Variants in FIGN observed in about 807,000 individuals in gnomAD.
The protein encoded by FIGN is fidgetin.
FIGN carries 11 observed loss-of-function variants against 51.3 expected under a neutral mutation model. That is an observed-to-expected ratio of 0.21 (90% CI 0.13 to 0.35). The LOEUF is 0.35. FIGN is among the 10% of genes least tolerant of loss of function. The probability of loss-of-function intolerance (pLI) is 1.00; values close to 1 mark genes in which losing one functional copy is unlikely to be tolerated. For missense variants in FIGN, 857 were observed against 943.6 expected (o/e 0.91, Z 1.20); for synonymous variants, 407 against 363.2 (o/e 1.12, Z -1.37).
chr2:163,618,747 T>C (rs1231351768), intron 2 of FIGN, among the ~76,000 whole-genome samples: 1 of 152,114 alleles, frequency 6.6e-6, no homozygotes, highest in African/African-American at 2.4e-5. Flanking sequence ...TTCCACTTTG[T>C]CATGGTGCTC....
At chr2:163,699,312 C>G (rs1010010901) in intron 2 of FIGN, among the ~76,000 whole-genome samples, 4 of 152,010 alleles carry the variant, frequency 2.6e-5, no homozygotes, top group African/African-American at 9.7e-5. Flanking sequence ...TGGTAGCTTT[C>G]AAAAAGCACA....
chr2:163,724,932 AG>A (rs1410687107), intron 2 of FIGN, among the ~76,000 whole-genome samples: 4 of 152,254 alleles, frequency 2.6e-5, no homozygotes, highest in Admixed American at 6.5e-5. Context: ...ATAACTGATA[AG>A]GTTTTTTTTA....
At chr2:163,685,319 A>C (rs570895938) in intron 2 of FIGN, among the ~76,000 whole-genome samples, 61 of 152,322 alleles carry the variant, frequency 4.0e-4, no homozygotes, top group Non-Finnish European at 8.2e-4. Flanking sequence ...CAGATAAAGA[A>C]AAACTGTGAA....
In FIGN at chr2:163,610,492, A is replaced by C. The variant is rs1225361214; in HGVS notation, c.1340T>G (p.Leu447Arg). 1 of 1,614,008 alleles carries C rather than the reference A, an allele frequency of 6.2e-7. No homozygotes were observed. Among genetic ancestry groups the C allele is most frequent in the East Asian group, 2.2e-5 (1 of 44,882 alleles). The change falls in exon 3 of 3, where the codon CTC becomes CGC. Residue 447 changes from leucine (L) to arginine (R), a missense_variant. Leu to Arg is a moderately radical substitution (Grantham distance 102). Coordinates refer to ENST00000333129, the MANE Select transcript of FIGN (RefSeq NM_018086.4). ...LLSHPMQGPG[L>R]RAATSSNHSV... Reference sequence around the variant, plus strand: ...GTGGTTGGATGAGGTAGCTGCACGGAGTCCAGGGCCTTGCATTGGGTGAGA... The same window carrying C: ...GTGGTTGGATGAGGTAGCTGCACGGCGTCCAGGGCCTTGCATTGGGTGAGA...
intron 2 of FIGN, among the ~76,000 whole-genome samples, chr2:163,681,882 T>G (rs1212545346): frequency 6.6e-6 from 1 of 152,174 alleles, no homozygotes; most frequent in Non-Finnish European, 1.5e-5. Context: ...AAACACTCTT[T>G]TTTCTTCAAA....
At chr2:163,735,373 C>G (rs978667585) in intron 1 of FIGN, among the ~76,000 whole-genome samples, 1 of 152,156 alleles carries the variant, frequency 6.6e-6, no homozygotes, top group Non-Finnish European at 1.5e-5. Context: ...GACATTTTCT[C>G]GTTCCCCCAG....
chr2:163,669,143 C>T (rs567555295), intron 2 of FIGN, among the ~76,000 whole-genome samples: 1 of 151,878 alleles, frequency 6.6e-6, no homozygotes, highest in African/African-American at 2.4e-5. Flanking sequence ...AAAAAGTTGG[C>T]CCCCCAAAAT....
Position 163,603,353 on chromosome 2 carries a change from C to T in FIGN, c.*6199G>A, listed in dbSNP as rs980379472. On this transcript the variant is annotated 3_prime_UTR_variant, in exon 3 of 3. Transcript: ENST00000333129. ...GGGGTCAAAATCTGGTCAAATCCAG[C>T]GTATTGTTTCAATTTAAGCAAATAA... 2.0e-5 allele frequency: 3 copies of T among 152,110 alleles called. No individual in the cohort carries two copies. Among genetic ancestry groups the T allele is most frequent in the East Asian group, 1.9e-4 (1 of 5,162 alleles). 9.4% of individuals were successfully genotyped at this position (152,110 alleles called of 1,614,324 possible). A position where few individuals can be genotyped will look rare whatever the true frequency, so the allele number is the denominator to read the frequency against.
chr2:163,633,204 A>G (rs1248665495), intron 2 of FIGN, among the ~76,000 whole-genome samples: 1 of 152,100 alleles, frequency 6.6e-6, no homozygotes, highest in Non-Finnish European at 1.5e-5. Context: ...AAAAATAAAA[A>G]TAACATAGTA....
At position 163,606,048 on chromosome 2, in the gene FIGN, A is replaced by G. The variant is rs1691104633; in HGVS notation, c.*3504T>C. On this transcript the variant is annotated 3_prime_UTR_variant, in exon 3 of 3. Coordinates refer to ENST00000333129, the MANE Select transcript of FIGN (RefSeq NM_018086.4). ...GTGTTTGGCCTATGTATTTTAGTGG[A>G]ATGGTTTATTTTCTCCTTGATAGGT... is the stretch of plus-strand genomic sequence containing the variant. The G allele has an allele frequency of 6.6e-6, 1 of 152,196 alleles. No individual in the cohort carries two copies. Among genetic ancestry groups the G allele is most frequent in the South Asian group, 2.1e-4 (1 of 4,826 alleles). 9.4% of individuals were successfully genotyped at this position (152,196 alleles called of 1,614,324 possible).
chr2:163,704,288 T>C (rs1242305378), intron 2 of FIGN, among the ~76,000 whole-genome samples: 1 of 152,060 alleles, frequency 6.6e-6, no homozygotes, highest in Non-Finnish European at 1.5e-5. Flanking sequence ...TACATTATCC[T>C]AGCAAGTAAA....
At chr2:163,677,924 G>A (rs1239137) in intron 2 of FIGN, among the ~76,000 whole-genome samples, 90,760 of 152,038 alleles carry the variant, frequency 0.6, 28,353 homozygotes, top group Admixed American at 0.71. Context: ...AACGCAATGG[G>A]GTTGTGTGGA....
chr2:163,606,190 A>T lies in FIGN; in HGVS notation c.*3362T>A, dbSNP rs1194295587. 1 of 152,170 alleles carries T rather than the reference A, an allele frequency of 6.6e-6. No homozygotes were observed. The highest frequency in any genetic ancestry group is 1.5e-5 in the Non-Finnish European group (1 of 68,028). The allele number at this position is 152,170 out of a possible 1,614,324, so 9.4% of individuals were successfully genotyped here. On this transcript the variant is annotated 3_prime_UTR_variant, in exon 3 of 3. Transcript: ENST00000333129. ...TAGCCTTAAAGTATACTGCCTTCAC[A>T]TTCCATTGATCAGCTCAGTCAGCAA...
chr2:163,704,625 T>TTCTCTCTCTCTG (rs1684466063), intron 2 of FIGN, among the ~76,000 whole-genome samples: 2 of 36,364 alleles, frequency 5.5e-5, no homozygotes, highest in African/African-American at 7.4e-5. Context: ...GTCTCTCTCT[T>TTCTCTCTCTCTG]TCTCTCTCTC....
intron 2 of FIGN, among the ~76,000 whole-genome samples, chr2:163,730,888 G>A (rs1007340442): frequency 2.6e-5 from 4 of 152,008 alleles, no homozygotes; most frequent in Non-Finnish European, 5.9e-5. Flanking sequence ...CTTCAACAAT[G>A]AACACAGTAC....
intron 2 of FIGN, among the ~76,000 whole-genome samples, chr2:163,615,754 C>A (rs1052761437): frequency 6.6e-6 from 1 of 152,104 alleles, no homozygotes; most frequent in Non-Finnish European, 1.5e-5. Flanking sequence ...AGAACAATAA[C>A]TCCTACTGTT....
At chr2:163,619,197 G>C (rs372712956) in intron 2 of FIGN, among the ~76,000 whole-genome samples, 1 of 152,156 alleles carries the variant, frequency 6.6e-6, no homozygotes, top group African/African-American at 2.4e-5. Context: ...TAATTTAACA[G>C]TGAGTGAAGC....
intron 2 of FIGN, among the ~76,000 whole-genome samples, chr2:163,655,918 C>A (rs923149743): frequency 1.3e-5 from 2 of 151,986 alleles, no homozygotes; most frequent in African/African-American, 2.4e-5. Flanking sequence ...GTACTTACAG[C>A]ATAAGTGGAC....
At chr2:163,652,133 T>C (rs1025340413) in intron 2 of FIGN, among the ~76,000 whole-genome samples, 22 of 152,268 alleles carry the variant, frequency 1.4e-4, no homozygotes, top group Middle Eastern at 3.4e-3. Context: ...TTTGTACACA[T>C]AGCTCGGGGT....
Sources: gnomAD v4.1 joint callset for allele counts (sites outside exome capture counted in the v4.1 genomes callset) on GRCh38, gnomAD v4.1.1 for gene constraint, MANE v1.5 for transcripts, NCBI Gene and HGNC (gene_info 2026-07-23, HGNC 2026-07-21) for gene names.